The following ARHGAP15 variants were observed in gnomAD, a reference collection of about 807,000 sequenced individuals.
ARHGAP15 encodes rho GTPase-activating protein 15.
A neutral mutation model predicts 63.7 loss-of-function variants in ARHGAP15; 51 were observed. The ratio of observed to expected loss-of-function variants is 0.80; its 90% CI spans 0.64 to 1.01. The LOEUF (loss-of-function observed/expected upper bound fraction) is 1.01. Ranked by LOEUF, ARHGAP15 falls within the 50% of genes least tolerant of loss-of-function variation. The pLI, the probability that ARHGAP15 is intolerant of heterozygous loss-of-function variation, is 0.00. For synonymous variants in ARHGAP15, 191 were observed against 193.8 expected (o/e 0.99, Z 0.12); for missense variants, 560 against 564.6 (o/e 0.99, Z 0.08).
intron 6 of ARHGAP15, among the ~76,000 whole-genome samples, chr2:143,412,163 T>C (rs1688474160): frequency 1.3e-5 from 2 of 152,156 alleles, no homozygotes; most frequent in East Asian, 3.9e-4. Flanking sequence ...TGAAATTGAG[T>C]GTAAAGGGTT....
At chr2:143,357,687 A>T (rs932537082) in intron 6 of ARHGAP15, among the ~76,000 whole-genome samples, 4 of 152,188 alleles carry the variant, frequency 2.6e-5, no homozygotes. Flanking sequence ...ATTTAAGATT[A>T]AGTTGAGTAT....
chr2:143,644,806 T>C (rs1038872406), intron 12 of ARHGAP15, among the ~76,000 whole-genome samples: 8 of 152,146 alleles, frequency 5.3e-5, no homozygotes, highest in Non-Finnish European at 1.2e-4. Context: ...TAAGCCATTT[T>C]AGTTCTAGTC....
Position 143,500,354 on chromosome 2 carries a change from A to T in ARHGAP15, c.826+12859A>T, listed in dbSNP as rs369548636. On this transcript the variant is annotated intron_variant, in intron 9 of 13. Coordinates refer to ENST00000295095, the MANE Select transcript of ARHGAP15 (RefSeq NM_018460.4). ...AAGGCAGGATTTGTTGACAAAATAT[A>T]AGTCCATATAGTATGTACTAATTTC... 9.2e-5 allele frequency among the ~76,000 whole-genome samples: 14 copies of T among 152,030 alleles called. No homozygotes were observed. The South Asian group carries it at 1.0e-3, about 11-fold the overall frequency.
intron 10 of ARHGAP15, among the ~76,000 whole-genome samples, chr2:143,538,848 T>G (rs1249310095): frequency 3.9e-5 from 6 of 152,312 alleles, no homozygotes; most frequent in African/African-American, 7.2e-5. Flanking sequence ...TCTCTTTTTT[T>G]GTTGTGTCTC....
chr2:143,145,325 T>G (rs761887555), intron 1 of ARHGAP15, among the ~76,000 whole-genome samples: 2 of 152,036 alleles, frequency 1.3e-5, no homozygotes, highest in Non-Finnish European at 1.5e-5. Context: ...GTCCCAGCAC[T>G]TCAGTGGGTC....
intron 6 of ARHGAP15, among the ~76,000 whole-genome samples, chr2:143,402,748 C>T (rs1250411322): frequency 1.3e-5 from 2 of 151,780 alleles, no homozygotes; most frequent in Non-Finnish European, 2.9e-5. Flanking sequence ...TCATGTTGGG[C>T]TGATTGAAGG....
chr2:143,579,271 G>A (rs563440291), intron 11 of ARHGAP15, among the ~76,000 whole-genome samples: 1 of 152,296 alleles, frequency 6.6e-6, no homozygotes, highest in East Asian at 1.9e-4. Context: ...TTAAATCAGA[G>A]AGTGTAAAGT....
chr2:143,759,598 G>A (rs1686691175), intron 13 of ARHGAP15, among the ~76,000 whole-genome samples: 1 of 152,128 alleles, frequency 6.6e-6, no homozygotes, highest in African/African-American at 2.4e-5. Flanking sequence ...TCCCTCCGCA[G>A]CATTTCCTAC....
At chr2:143,616,676 G>A (rs1698461014) in intron 11 of ARHGAP15, among the ~76,000 whole-genome samples, 1 of 152,184 alleles carries the variant, frequency 6.6e-6, no homozygotes, top group Non-Finnish European at 1.5e-5. Flanking sequence ...TTATAGACCA[G>A]GTGGTAATAG....
intron 5 of ARHGAP15, chr2:143,235,999 A>C: frequency 3.9e-6 from 6 of 1,539,864 alleles, no homozygotes; most frequent in Non-Finnish European, 5.3e-6. Context: ...GGGATTTGGC[A>C]AATCTCCATT....
chr2:143,578,196 A>G (rs1053451324), intron 11 of ARHGAP15, among the ~76,000 whole-genome samples: 19 of 152,138 alleles, frequency 1.2e-4, no homozygotes, highest in African/African-American at 4.3e-4. Context: ...ATATGTCCTG[A>G]GTATTTCATT....
chr2:143,735,099 G>A (rs1380804480), intron 13 of ARHGAP15, among the ~76,000 whole-genome samples: 2 of 152,186 alleles, frequency 1.3e-5, no homozygotes, highest in Non-Finnish European at 2.9e-5. Flanking sequence ...ATTCGATTCA[G>A]CTTCATGTAT....
Position 143,216,379 on chromosome 2 carries a change from T to A in ARHGAP15, c.235-5T>A. ...ACGGTTTTAACATATGCATTCTTCT[T>A]GCAGATGGTTGAAAAAGAAGGTTAT... is the stretch of plus-strand genomic sequence containing the variant. On this transcript the variant is annotated splice_polypyrimidine_tract_variant and splice_region_variant and intron_variant, in intron 3 of 13. Transcript: ENST00000295095. 6.2e-7 allele frequency: 1 copy of A among 1,609,378 alleles called. No homozygotes were observed. The highest frequency in any genetic ancestry group is 8.5e-7 in the Non-Finnish European group (1 of 1,177,388).
At chr2:143,615,390 C>A (rs987039690) in intron 11 of ARHGAP15, among the ~76,000 whole-genome samples, 2 of 152,132 alleles carry the variant, frequency 1.3e-5, no homozygotes, top group Non-Finnish European at 2.9e-5. Flanking sequence ...CCATTTCTAA[C>A]CCTACACATA....
At chr2:143,143,653 T>C (rs1452160430) in intron 1 of ARHGAP15, among the ~76,000 whole-genome samples, 5 of 148,884 alleles carry the variant, frequency 3.4e-5, no homozygotes, top group East Asian at 2.0e-4. Context: ...TAGAAAACCA[T>C]CAAGACACTG....
At chr2:143,325,170 G>T (rs1262300898) in intron 6 of ARHGAP15, among the ~76,000 whole-genome samples, 2 of 152,044 alleles carry the variant, frequency 1.3e-5, no homozygotes, top group African/African-American at 4.8e-5. Context: ...TAACTTAAAA[G>T]TTACTGTATT....
At chr2:143,655,082 C>T (rs555297492) in intron 12 of ARHGAP15, among the ~76,000 whole-genome samples, 6 of 152,098 alleles carry the variant, frequency 3.9e-5, no homozygotes, top group Admixed American at 1.3e-4. Context: ...TGTTAAAATA[C>T]GAATTCTGAT....
At chr2:143,325,352 C>CT (rs962679190) in intron 6 of ARHGAP15, among the ~76,000 whole-genome samples, 1 of 152,180 alleles carries the variant, frequency 6.6e-6, no homozygotes, top group South Asian at 2.1e-4. Context: ...TATAAATCCT[C>CT]TTTTTTAATA....
At chr2:143,503,470 T>C (rs1431518186) in intron 9 of ARHGAP15, among the ~76,000 whole-genome samples, 1 of 152,182 alleles carries the variant, frequency 6.6e-6, no homozygotes, top group African/African-American at 2.4e-5. Flanking sequence ...TTGGGCAAGA[T>C]GATGAAATGT....
Sources: gnomAD v4.1 joint callset for allele counts (sites outside exome capture counted in the v4.1 genomes callset) on GRCh38, gnomAD v4.1.1 for gene constraint, MANE v1.5 for transcripts, NCBI Gene and HGNC (gene_info 2026-07-23, HGNC 2026-07-21) for gene names.